The following TRAPPC9 variants were observed in gnomAD, a reference collection of about 807,000 sequenced individuals.
The protein encoded by TRAPPC9 is IKK2 binding protein.
A neutral mutation model predicts 124.0 loss-of-function variants in TRAPPC9; 83 were observed. The observed-to-expected ratio is 0.67, with a 90% CI of 0.56 to 0.80. The LOEUF (loss-of-function observed/expected upper bound fraction) is 0.80. Among genes scored for constraint, TRAPPC9 ranks in the 30% least tolerant of loss-of-function variants. The pLI, the probability that TRAPPC9 is intolerant of heterozygous loss-of-function variation, is 0.00. For missense variants in TRAPPC9, 1,302 were observed against 1,508.3 expected (o/e 0.86, Z 2.27); for synonymous variants, 638 against 617.5 (o/e 1.03, Z -0.49).
At chr8:139,876,660 T>C (rs979273525) in intron 21 of TRAPPC9, among the ~76,000 whole-genome samples, 1 of 152,166 alleles carries the variant, frequency 6.6e-6, no homozygotes, top group Non-Finnish European at 1.5e-5. Flanking sequence ...TCAACAGATG[T>C]TTATTGAATG....
At chr8:139,921,090 G>A (rs1832475625) in intron 19 of TRAPPC9, among the ~76,000 whole-genome samples, 1 of 152,218 alleles carries the variant, frequency 6.6e-6, no homozygotes. Flanking sequence ...CATGTAATTT[G>A]GATCTTGCAG....
At chr8:140,397,571 C>T in intron 7 of TRAPPC9, 49 bp downstream of exon 7, 1 of 1,610,246 alleles carries the variant, frequency 6.2e-7, no homozygotes, top group South Asian at 1.1e-5. Context: ...TGAATCAATT[C>T]CGTAAGAACT....
At chr8:139,836,093 C>A (rs576910401) in intron 21 of TRAPPC9, among the ~76,000 whole-genome samples, 3 of 152,140 alleles carry the variant, frequency 2.0e-5, no homozygotes, top group Non-Finnish European at 4.4e-5. Context: ...AGCGCAGCCT[C>A]CACTTCCCAG....
intron 10 of TRAPPC9, among the ~76,000 whole-genome samples, chr8:140,309,022 C>T (rs975960412): frequency 2.0e-5 from 3 of 152,192 alleles, no homozygotes; most frequent in African/African-American, 7.2e-5. Context: ...GAAAGAGACA[C>T]ACTGCCCAGG....
At chr8:139,743,754 C>T (rs896447748) in intron 21 of TRAPPC9, among the ~76,000 whole-genome samples, 7 of 152,306 alleles carry the variant, frequency 4.6e-5, no homozygotes, top group African/African-American at 1.7e-4. Context: ...GGGTGGGGGG[C>T]AGGCAGGCAC....
At chr8:140,117,015 A>G (rs2060901125) in intron 17 of TRAPPC9, among the ~76,000 whole-genome samples, 1 of 152,048 alleles carries the variant, frequency 6.6e-6, no homozygotes, top group Non-Finnish European at 1.5e-5. Context: ...CACAGGCTGG[A>G]TCCACACGAA....
intron 21 of TRAPPC9, among the ~76,000 whole-genome samples, chr8:139,805,084 C>G (rs1823949333): frequency 6.6e-6 from 1 of 152,190 alleles, no homozygotes; most frequent in Non-Finnish European, 1.5e-5. Context: ...AGGGAGGTGT[C>G]TCTTCATCAT....
chr8:139,768,694 T>C (rs1820743073), intron 21 of TRAPPC9, among the ~76,000 whole-genome samples: 1 of 152,238 alleles, frequency 6.6e-6, no homozygotes, highest in Non-Finnish European at 1.5e-5. Flanking sequence ...ACAGAGCTCA[T>C]AGCTCACTTT....
chr8:139,732,628 C>T (rs1586722131), intron 21 of TRAPPC9, among the ~76,000 whole-genome samples: 1 of 152,206 alleles, frequency 6.6e-6, no homozygotes, highest in South Asian at 2.1e-4. Flanking sequence ...CAGGCAGGCC[C>T]GAGGTCCCTC....
intron 16 of TRAPPC9, among the ~76,000 whole-genome samples, chr8:140,240,633 C>T (rs572609022): frequency 7.7e-4 from 118 of 152,302 alleles, no homozygotes; most frequent in African/African-American, 2.7e-3. Context: ...CGTGCAGTGG[C>T]ACAAACACAG....
chr8:140,324,549 T>C (rs769648081), intron 9 of TRAPPC9, among the ~76,000 whole-genome samples: 19 of 152,096 alleles, frequency 1.2e-4, no homozygotes, highest in Non-Finnish European at 2.1e-4. Flanking sequence ...GGCAGGAGGA[T>C]TGCTTGAGCC....
chr8:140,148,034 CG>C (rs2130808939), intron 17 of TRAPPC9, among the ~76,000 whole-genome samples: 1 of 152,330 alleles, frequency 6.6e-6, no homozygotes, highest in South Asian at 2.1e-4. Flanking sequence ...GCTCTGGCCC[CG>C]GGGGCACAGC....
chr8:140,319,008 A>T (rs371632534), intron 9 of TRAPPC9, among the ~76,000 whole-genome samples: 50 of 152,324 alleles, frequency 3.3e-4, no homozygotes, highest in African/African-American at 1.2e-3. Flanking sequence ...AAAGCTTGTG[A>T]AAAATTTGAC....
intron 21 of TRAPPC9, among the ~76,000 whole-genome samples, chr8:139,857,449 C>T (rs1827871790): frequency 1.3e-5 from 2 of 152,234 alleles, no homozygotes; most frequent in African/African-American, 4.8e-5. Context: ...CTCCACTTGA[C>T]AGCTGGGGAA....
chr8:139,984,827 C>T lies in TRAPPC9; in HGVS notation c.2810+3899G>A, dbSNP rs1443065321. Among the ~76,000 whole-genome samples, 3 of 152,120 alleles carry T rather than the reference C, an allele frequency of 2.0e-5. No homozygotes were observed. Among genetic ancestry groups the T allele is most frequent in the Admixed American group, 1.3e-4 (2 of 15,278 alleles). On this transcript the variant is annotated intron_variant, in intron 19 of 22. Coordinates refer to ENST00000438773, the MANE Select transcript of TRAPPC9 (RefSeq NM_001160372.4). This position sits in a 1 kb window ranked among gnomAD's most constrained non-coding sequence, Gnocchi z 4.3. ...CCAGCAGTGGGCACAGCAGGGGAAG[C>T]GCCTAAGATGACTTCCCAGATGGAC...
chr8:140,054,224 A>G (rs916737074), intron 17 of TRAPPC9, among the ~76,000 whole-genome samples: 13 of 152,302 alleles, frequency 8.5e-5, no homozygotes, highest in African/African-American at 3.1e-4. Flanking sequence ...TACTATGTTG[A>G]CCATTTGGGT....
chr8:139,736,889 T>TCTCC (rs1327961915), intron 21 of TRAPPC9, among the ~76,000 whole-genome samples: 3 of 152,050 alleles, frequency 2.0e-5, no homozygotes, highest in Non-Finnish European at 4.4e-5. Context: ...AGGGCCCCAC[T>TCTCC]CTCCACAGCC....
At chr8:139,739,452 C>T (rs758626685) in intron 21 of TRAPPC9, among the ~76,000 whole-genome samples, 1 of 152,236 alleles carries the variant, frequency 6.6e-6, no homozygotes, top group Non-Finnish European at 1.5e-5. Flanking sequence ...AATTCTCACC[C>T]CAACTCTGGT....
At chr8:140,073,726 C>A (rs755706166) in intron 17 of TRAPPC9, among the ~76,000 whole-genome samples, 5 of 152,140 alleles carry the variant, frequency 3.3e-5, no homozygotes, top group Non-Finnish European at 7.3e-5. Context: ...ATTCTCAACA[C>A]CGTCACTCAG....
Sources: gnomAD v4.1 joint callset for allele counts (sites outside exome capture counted in the v4.1 genomes callset) on GRCh38, gnomAD v4.1.1 for gene constraint, Gnocchi (gnomAD v3.1) non-coding constraint, MANE v1.5 for transcripts, NCBI Gene and HGNC (gene_info 2026-07-23, HGNC 2026-07-21) for gene names.